PIK3CD: variants seen among roughly 807,000 people sequenced by gnomAD.
The protein encoded by PIK3CD is phosphatidylinositol 4,5-bisphosphate 3-kinase catalytic subunit delta isoform.
Under a neutral mutation model 122.9 loss-of-function variants are expected in PIK3CD, and 20 were observed. The observed-to-expected ratio is 0.16, with a 90% CI of 0.11 to 0.24. The LOEUF (loss-of-function observed/expected upper bound fraction) is 0.24. PIK3CD is among the 10% of genes least tolerant of loss of function. PIK3CD has a pLI of 1.00. For synonymous variants in PIK3CD, 596 were observed against 593.4 expected (o/e 1.00, Z -0.06); for missense variants, 787 against 1,406.3 (o/e 0.56, Z 7.04).
At position 9,700,708 on chromosome 1, in the gene PIK3CD, C is replaced by A. The variant is rs905728710; in HGVS notation, c.-33+9137C>A. On this transcript the variant is annotated intron_variant, in intron 2 of 23. Coordinates refer to ENST00000377346, the MANE Select transcript of PIK3CD (RefSeq NM_005026.5). This position sits in a 1 kb window ranked among gnomAD's most constrained non-coding sequence, Gnocchi z 5.1. Reference sequence around the variant, plus strand: ...CGCCCTCCCACCTGGGGAGTTTGCCCCTGGCGGTCTTTACGTGGCTATTCA... The same window carrying A: ...CGCCCTCCCACCTGGGGAGTTTGCCACTGGCGGTCTTTACGTGGCTATTCA... Among the ~76,000 whole-genome samples, 18 of 152,100 alleles carry A rather than the reference C, an allele frequency of 1.2e-4. No homozygotes were observed. Among genetic ancestry groups the A allele is most frequent in the African/African-American group, 4.3e-4 (18 of 41,412 alleles).
At chr1:9,653,917 C>T in intron 1 of PIK3CD, 3 of 1,366,756 alleles carry the variant, frequency 2.2e-6, no homozygotes, top group Non-Finnish European at 2.9e-6. Context: ...TCTTAAAACC[C>T]AGTTGTGGCT....
rs1483906131 is a variant in PIK3CD at position 9,717,087 on chromosome 1, A to G, written c.909A>G (p.Pro303=). The part of the protein sequence containing the change: ...APQVQKPRAK[P]PPIPAKKPSS... ...AGGTCCAGAAACCGCGTGCCAAACCACCTCCCATTCCTGCGAAGAAGGTGA... is the reference window on the plus strand; with the variant it reads ...AGGTCCAGAAACCGCGTGCCAAACCGCCTCCCATTCCTGCGAAGAAGGTGA... The change falls in exon 7 of 24, where the codon CCA becomes CCG. Residue 303 remains proline, a synonymous_variant. Coordinates refer to ENST00000377346, the MANE Select transcript of PIK3CD (RefSeq NM_005026.5). The surrounding 1 kb of genome is among the most constrained non-coding windows in gnomAD (Gnocchi z 5.4). 6 of 1,613,320 alleles carry G rather than the reference A, an allele frequency of 3.7e-6. No homozygotes were observed. The highest frequency in any genetic ancestry group is 4.2e-6 in the Non-Finnish European group (5 of 1,179,940).
the PIK3CD span, among the ~76,000 whole-genome samples, chr1:9,639,757 G>T: frequency 5.3e-4 from 80 of 152,162 alleles, no homozygotes; most frequent in African/African-American, 1.9e-3. Context: ...TGAGACAGAG[G>T]CTCGCTCTGT....
intron 1 of PIK3CD, chr1:9,654,484 G>GGCCAGACCCC: frequency 8.9e-7 from 1 of 1,129,654 alleles, no homozygotes; most frequent in Middle Eastern, 2.5e-4. Context: ...ATGGTTGTGC[G>GGCCAGACCCC]AAAGCCAGCC....
chr1:9,723,401 G>C lies in PIK3CD; in HGVS notation c.2594+109G>C. On this transcript the variant is annotated intron_variant, in intron 20 of 23. Coordinates refer to ENST00000377346, the MANE Select transcript of PIK3CD (RefSeq NM_005026.5). The surrounding 1 kb of genome is among the most constrained non-coding windows in gnomAD (Gnocchi z 4.9). ...CGGGGAGGGGCCTCAGACCATCTTT[G>C]TGGCTACTTGGCTCAGTTGAGGACC... 1 of 1,186,762 alleles carries C rather than the reference G, an allele frequency of 8.4e-7. No individual in the cohort carries two copies. 73.5% of individuals were successfully genotyped at this position (1,186,762 alleles called of 1,614,324 possible).
At chr1:9,684,208 G>A (rs189190910) in intron 1 of PIK3CD, among the ~76,000 whole-genome samples, 28 of 152,224 alleles carry the variant, frequency 1.8e-4, no homozygotes, top group African/African-American at 5.1e-4. Flanking sequence ...CTGCAACCAC[G>A]AGCCACACGT....
the PIK3CD span, among the ~76,000 whole-genome samples, chr1:9,627,566 GTGA>G: frequency 5.3e-5 from 8 of 152,236 alleles, no homozygotes; most frequent in Non-Finnish European, 1.0e-4. Flanking sequence ...GGTGACAGTG[GTGA>G]TGATGATGAT....
In PIK3CD at chr1:9,720,623, G is replaced by A. The variant is rs1342430054; in HGVS notation, c.1483G>A (p.Gly495Arg). ...YPALEKILEL[G>R]RHSECVHVTE... The stretch of plus-strand genomic sequence containing the variant: ...CCGTTTGTTGCAGATCTTGGAGCTG[G>A]GGCGACACAGCGAGTGTGTGCATGT... Residue 495 changes from glycine to arginine, a missense_variant, in exon 12 of 24, where the codon GGG becomes AGG. Transcript: ENST00000377346. The surrounding 1 kb of genome is among the most constrained non-coding windows in gnomAD (Gnocchi z 9.0). 5.2e-6 allele frequency: 8 copies of A among 1,546,014 alleles called. No individual in the cohort carries two copies. The highest frequency in any genetic ancestry group is 2.0e-5 in the Admixed American group (1 of 50,876).
the PIK3CD span, among the ~76,000 whole-genome samples, chr1:9,628,311 G>A: frequency 6.6e-6 from 1 of 152,042 alleles, no homozygotes; most frequent in African/African-American, 2.4e-5. Flanking sequence ...CAAAAAGAAA[G>A]AAAGAAAAAT....
intron 1 of PIK3CD, among the ~76,000 whole-genome samples, chr1:9,673,693 G>T (rs915777910): frequency 6.6e-6 from 1 of 152,170 alleles, no homozygotes; most frequent in Non-Finnish European, 1.5e-5. Context: ...GTGAGCCACA[G>T]CGCCCGGCCT....
chr1:9,667,598 C>G (rs1274773533), intron 1 of PIK3CD, among the ~76,000 whole-genome samples: 1 of 151,696 alleles, frequency 6.6e-6, no homozygotes, highest in African/African-American at 2.4e-5. Flanking sequence ...GGATAGTCTC[C>G]ATCTCCTGAA....
Position 9,710,571 on chromosome 1 carries a change from A to G in PIK3CD, c.116A>G (p.Asn39Ser). 1.9e-6 allele frequency: 3 copies of G among 1,613,996 alleles called. No homozygotes were observed. Among genetic ancestry groups the G allele is most frequent in the African/African-American group, 1.3e-5 (1 of 74,962 alleles). The part of the protein sequence containing the change: ...GVYLNFPVSR[N>S]ANLSTIKQLL... ...TACCTGAACTTCCCTGTGTCCCGCAATGCCAACCTCAGCACCATCAAGCAG... is the reference window on the plus strand; with the variant it reads ...TACCTGAACTTCCCTGTGTCCCGCAGTGCCAACCTCAGCACCATCAAGCAG... The change falls in exon 3 of 24, where the codon AAT becomes AGT. Residue 39 changes from asparagine (N) to serine (S), a missense_variant. By Grantham distance (46) the Asn-to-Ser change is conservative. Transcript: ENST00000377346. This position sits in a 1 kb window ranked among gnomAD's most constrained non-coding sequence, Gnocchi z 4.7.
Position 9,723,207 on chromosome 1 carries a change from A to G in PIK3CD, c.2509A>G (p.Ile837Val). 1 of 1,613,882 alleles carries G rather than the reference A, an allele frequency of 6.2e-7. No individual in the cohort carries two copies. The highest frequency in any genetic ancestry group is 8.5e-7 in the Non-Finnish European group (1 of 1,180,014). ...ACTCCGTTCAGACACCATCGCCAAC[A>G]TCCAACTCAACAAGAGCAACATGGC... Reference protein sequence around the residue: ...VVLRSDTIANIQLNKSNMAAT... With the variant: ...VVLRSDTIANVQLNKSNMAAT... The change falls in exon 20 of 24, where the codon ATC becomes GTC. Residue 837 changes from isoleucine (I) to valine (V), a missense_variant. This residue lies in a region of PIK3CD where 69 missense variants were observed against 166.8 expected (regional missense o/e 0.41). Transcript: ENST00000377346. This position sits in a 1 kb window ranked among gnomAD's most constrained non-coding sequence, Gnocchi z 4.9.
chr1:9,654,110 G>A (rs1644764541), intron 1 of PIK3CD: 2 of 1,186,138 alleles, frequency 1.7e-6, no homozygotes, highest in East Asian at 1.1e-4. Flanking sequence ...CTGCTCCAGA[G>A]ACAACTAAGC....
chr1:9,687,596 C>G (rs949428214), intron 1 of PIK3CD: 1 of 151,908 alleles, frequency 6.6e-6, no homozygotes, highest in East Asian at 1.9e-4. Context: ...GGGGGCGGGG[C>G]CGGGGGCGGT....
In PIK3CD at chr1:9,722,708, C is replaced by T. The variant is rs10864435; in HGVS notation, c.2426+102C>T. 123,135 of 1,018,670 alleles carry T rather than the reference C, an allele frequency of 0.12. 11,860 individuals carry two copies. Among genetic ancestry groups the T allele is most frequent in the South Asian group, 0.33 (25,551 of 76,424 alleles). The allele number at this position is 1,018,670 out of a possible 1,614,324, so 63.1% of individuals were successfully genotyped here. A position where few individuals can be genotyped will look rare whatever the true frequency, so the allele number is the denominator to read the frequency against. The stretch of plus-strand genomic sequence containing the variant: ...TTGAAGGTGGCATGACCATCTCAGC[C>T]GGGGAAAGGGCTTTCCTAGGAAGAC... On this transcript the variant is annotated intron_variant, in intron 19 of 23. Coordinates refer to ENST00000377346, the MANE Select transcript of PIK3CD (RefSeq NM_005026.5). The surrounding 1 kb of genome is among the most constrained non-coding windows in gnomAD (Gnocchi z 7.6).
Position 9,718,914 on chromosome 1 carries a change from C to T in PIK3CD, c.1241C>T (p.Ala414Val), listed in dbSNP as rs1214315014. 3.7e-6 allele frequency: 6 copies of T among 1,611,862 alleles called. No individual in the cohort carries two copies. The highest frequency in any genetic ancestry group is 3.3e-5 in the Admixed American group (2 of 59,986). The change falls in exon 9 of 24, where the codon GCG becomes GTG. Residue 414 changes from alanine to valine, a missense_variant and splice_region_variant. Transcript: ENST00000377346. This position sits in a 1 kb window ranked among gnomAD's most constrained non-coding sequence, Gnocchi z 7.2. ...TCCACCAAGAAGAAGTCCAAGAAGG[C>T]GGTGGGTCCCAGGGCCGGCTGGGAG... ...ARSTKKKSKKADCPIAWANLM... is the reference protein window; with the variant it reads ...ARSTKKKSKKVDCPIAWANLM...
chr1:9,726,231 G>A (rs988178680), intron 23 of PIK3CD, among the ~76,000 whole-genome samples: 3 of 151,820 alleles, frequency 2.0e-5, no homozygotes, highest in Non-Finnish European at 4.4e-5. Flanking sequence ...AAAATTGGCC[G>A]GGCACGATGG....
chr1:9,632,769 C>CCTT, the PIK3CD span, among the ~76,000 whole-genome samples: 1 of 152,088 alleles, frequency 6.6e-6, no homozygotes, highest in Non-Finnish European at 1.5e-5. Context: ...TCTCTAGATC[C>CCTT]CTTCTAGTCT....
Sources: allele counts gnomAD v4.1 joint callset (sites outside exome capture counted in the v4.1 genomes callset), GRCh38; gene constraint gnomAD v4.1.1; regional missense constraint gnomAD v4.1.1; non-coding constraint Gnocchi (gnomAD v3.1); transcripts MANE v1.5; gene names NCBI Gene and HGNC (gene_info 2026-07-23, HGNC 2026-07-21).